Variants in SDK1 observed in about 807,000 individuals in gnomAD.
The protein encoded by SDK1 is sidekick cell adhesion molecule 1.
In SDK1, 157 loss-of-function variants were observed where a neutral mutation model predicts 245.5. That is an observed-to-expected ratio of 0.64 (90% CI 0.56 to 0.73). SDK1 has a LOEUF of 0.73. Ranked by LOEUF, SDK1 falls within the 30% of genes least tolerant of loss-of-function variation. The probability of loss-of-function intolerance (pLI) is 0.00; values close to 1 mark genes in which losing one functional copy is unlikely to be tolerated. For missense variants in SDK1, 3,583 were observed against 3,002.3 expected (o/e 1.19, Z -4.52); for synonymous variants, 1,647 against 1,278.5 (o/e 1.29, Z -6.15).
At chr7:3,763,321 C>T (rs546241121) in intron 4 of SDK1, among the ~76,000 whole-genome samples, 2 of 152,004 alleles carry the variant, frequency 1.3e-5, no homozygotes, top group Non-Finnish European at 2.9e-5. Context: ...GCATACAACT[C>T]GATCATTTTT....
chr7:3,989,119 G>A (rs1040778410), intron 14 of SDK1, among the ~76,000 whole-genome samples: 6 of 152,184 alleles, frequency 3.9e-5, no homozygotes, highest in African/African-American at 1.4e-4. Context: ...GTATTAGTCG[G>A]TTTTCACACT....
intron 1 of SDK1, among the ~76,000 whole-genome samples, chr7:3,488,481 A>G (rs1781771094): frequency 1.3e-5 from 2 of 152,218 alleles, no homozygotes; most frequent in Admixed American, 6.5e-5. Context: ...TTATTGCATT[A>G]TCTTCAGAGG....
At chr7:3,969,898 G>T in intron 11 of SDK1, among the ~76,000 whole-genome samples, 1 of 152,162 alleles carries the variant, frequency 6.6e-6, no homozygotes, top group East Asian at 1.9e-4. Flanking sequence ...CTAAACAATT[G>T]TTAGGAACAA....
intron 4 of SDK1, among the ~76,000 whole-genome samples, chr7:3,660,484 GAA>G (rs1669567686): frequency 1.3e-5 from 2 of 152,008 alleles, no homozygotes; most frequent in Admixed American, 6.5e-5. Flanking sequence ...GAGAGAGAGA[GAA>G]AGAGAGAGAG....
chr7:3,549,963 C>T (rs1779347297), intron 1 of SDK1, among the ~76,000 whole-genome samples: 1 of 152,042 alleles, frequency 6.6e-6, no homozygotes. Context: ...TTTAGGGTCT[C>T]CTTTAACCTA....
intron 19 of SDK1, among the ~76,000 whole-genome samples, chr7:4,052,173 C>T (rs1002592879): frequency 3.5e-5 from 5 of 142,654 alleles, no homozygotes; most frequent in African/African-American, 1.4e-4. Flanking sequence ...CATGATCCCC[C>T]CCCCCCCGAC....
intron 25 of SDK1, among the ~76,000 whole-genome samples, chr7:4,122,130 G>A (rs770312375): frequency 2.0e-5 from 3 of 152,038 alleles, no homozygotes; most frequent in Admixed American, 1.3e-4. Flanking sequence ...CAGGACTTCC[G>A]CTCCCCCTCC....
At position 3,578,024 on chromosome 7, in the gene SDK1, C is replaced by G. The variant is rs577217354; in HGVS notation, c.299-41056C>G. Among the ~76,000 whole-genome samples the G allele has an allele frequency of 5.3e-5, 8 of 152,146 alleles. No homozygotes were observed. In the South Asian group the frequency reaches 1.2e-3, roughly 24 times the overall value. Reference sequence around the variant, plus strand: ...TACAGTGAGAGAGGTGGCAATGTTTCTTTCTTTTCCTCCTTCCCTTGTTTT... The same window carrying G: ...TACAGTGAGAGAGGTGGCAATGTTTGTTTCTTTTCCTCCTTCCCTTGTTTT... On this transcript the variant is annotated intron_variant, in intron 1 of 44. Transcript: ENST00000404826.
chr7:3,819,230 GTT>G (rs11315088), intron 4 of SDK1, among the ~76,000 whole-genome samples: 7 of 145,088 alleles, frequency 4.8e-5, no homozygotes, highest in African/African-American at 7.5e-5. Context: ...GGCAGCAGCA[GTT>G]TTTTTTTTTT....
At chr7:3,373,439 G>A (rs990288278) in intron 1 of SDK1, among the ~76,000 whole-genome samples, 21 of 152,162 alleles carry the variant, frequency 1.4e-4, no homozygotes, top group Admixed American at 1.2e-3. Context: ...TGTTAGGGAG[G>A]TACTTGACAA....
chr7:3,435,150 G>A (rs1453249923), intron 1 of SDK1, among the ~76,000 whole-genome samples: 1 of 147,502 alleles, frequency 6.8e-6, no homozygotes, highest in Non-Finnish European at 1.5e-5. Context: ...TAATAATTTT[G>A]CAAAAGTCTC....
intron 1 of SDK1, among the ~76,000 whole-genome samples, chr7:3,424,604 T>G (rs1009703357): frequency 1.3e-5 from 2 of 152,178 alleles, no homozygotes; most frequent in Admixed American, 6.5e-5. Context: ...AGAATTTCTC[T>G]TCAAAAATAC....
intron 4 of SDK1, among the ~76,000 whole-genome samples, chr7:3,680,251 C>G (rs545284401): frequency 3.3e-5 from 5 of 152,076 alleles, no homozygotes; most frequent in Non-Finnish European, 5.9e-5. Flanking sequence ...GACTCAATTA[C>G]GGAGATGGAG....
At chr7:3,483,752 T>A (rs1268803406) in intron 1 of SDK1, among the ~76,000 whole-genome samples, 22 of 152,208 alleles carry the variant, frequency 1.4e-4, no homozygotes, top group Admixed American at 1.4e-3. Flanking sequence ...TATTAGATGA[T>A]ATTTATTTCA....
intron 1 of SDK1, among the ~76,000 whole-genome samples, chr7:3,456,833 G>T (rs893816423): frequency 3.3e-5 from 5 of 152,152 alleles, no homozygotes; most frequent in Admixed American, 1.3e-4. Context: ...ACTTAAACCT[G>T]TTATTTTAGC....
intron 5 of SDK1, among the ~76,000 whole-genome samples, chr7:3,883,152 A>G (rs1781247844): frequency 6.6e-6 from 1 of 152,122 alleles, no homozygotes; most frequent in Admixed American, 6.5e-5. Flanking sequence ...ATGAAGCAGG[A>G]GATTCACGGG....
rs146624951 is a variant in SDK1 at position 4,178,728 on chromosome 7, C to T, written c.5098+142C>T. ...ATTGCTGTCGGGGCTGAGGTCTCCA[C>T]GCCACTGGCAGGGAAAGATGGGCTC... is the stretch of plus-strand genomic sequence containing the variant. On this transcript the variant is annotated intron_variant, in intron 35 of 44. Transcript: ENST00000404826. 300 of 620,286 alleles carry T rather than the reference C, an allele frequency of 4.8e-4. 2 individuals carry two copies. In the East Asian group the frequency reaches 8.2e-3, roughly 17 times the overall value. 38.4% of individuals were successfully genotyped at this position (620,286 alleles called of 1,614,324 possible).
intron 1 of SDK1, among the ~76,000 whole-genome samples, chr7:3,403,178 C>T (rs533546972): frequency 5.5e-4 from 83 of 152,240 alleles, no homozygotes; most frequent in African/African-American, 1.9e-3. Context: ...AGGTGATCTG[C>T]CCGCCTTAGC....
intron 44 of SDK1, among the ~76,000 whole-genome samples, chr7:4,249,180 C>T (rs751680732): frequency 6.6e-6 from 1 of 152,130 alleles, no homozygotes; most frequent in African/African-American, 2.4e-5. Flanking sequence ...TGGAATTCTG[C>T]ACAGAGGGTG....
Sources: allele counts gnomAD v4.1 joint callset (sites outside exome capture counted in the v4.1 genomes callset), GRCh38; gene constraint gnomAD v4.1.1; transcripts MANE v1.5; gene names NCBI Gene and HGNC (gene_info 2026-07-23, HGNC 2026-07-21).